Variants in FRMD3 observed in about 807,000 individuals in gnomAD.
FRMD3 encodes the protein FERM domain-containing protein 3.
Under a neutral mutation model 70.2 loss-of-function variants are expected in FRMD3, and 33 were observed. That is an observed-to-expected ratio of 0.47 (90% CI 0.36 to 0.63). The LOEUF is 0.63. Among genes scored for constraint, FRMD3 ranks in the 20% least tolerant of loss-of-function variants. The pLI is 0.00. For missense variants in FRMD3, 632 were observed against 711.4 expected (o/e 0.89, Z 1.27); for synonymous variants, 279 against 255.9 (o/e 1.09, Z -0.86).
At chr9:83,243,167 CT>C, downstream of FRMD3, 1 of 1,549,274 alleles carries the variant, frequency 6.5e-7, no homozygotes, top group Non-Finnish European at 8.7e-7. Context: ...CAAGTCTTGG[CT>C]GAGCTCACCA....
chr9:83,357,047 C>T (rs1355911594), intron 3 of FRMD3, among the ~76,000 whole-genome samples: 1 of 149,834 alleles, frequency 6.7e-6, no homozygotes, highest in Non-Finnish European at 1.5e-5. Flanking sequence ...CCTGCAAATG[C>T]CATTAATTCA....
intron 1 of FRMD3, among the ~76,000 whole-genome samples, chr9:83,460,445 T>A (rs1283468742): frequency 6.6e-6 from 1 of 152,168 alleles, no homozygotes; most frequent in Non-Finnish European, 1.5e-5. Flanking sequence ...ACACATACAT[T>A]CACTGGGTTC....
At position 83,247,199 on chromosome 9, in the gene FRMD3, A is replaced by C. The variant is rs994863358; in HGVS notation, c.*719T>G. 6 of 985,252 alleles carry C rather than the reference A, an allele frequency of 6.1e-6. No individual in the cohort carries two copies. The highest frequency in any genetic ancestry group is 1.7e-5 in the African/African-American group (1 of 57,208). 61.0% of individuals were successfully genotyped at this position (985,252 alleles called of 1,614,324 possible). A position where few individuals can be genotyped will look rare whatever the true frequency, so the allele number is the denominator to read the frequency against. Reference sequence around the variant, plus strand: ...CTCCAGTTCCATCCTCTGTTTTAGCAGCTTACTTACTATAGTGTCTTTCTA... The same window carrying C: ...CTCCAGTTCCATCCTCTGTTTTAGCCGCTTACTTACTATAGTGTCTTTCTA... On this transcript the variant is annotated 3_prime_UTR_variant, in exon 14 of 14. Coordinates refer to ENST00000304195, the MANE Select transcript of FRMD3 (RefSeq NM_174938.6).
chr9:83,491,310 A>C (rs574422479), intron 1 of FRMD3, among the ~76,000 whole-genome samples: 61 of 152,350 alleles, frequency 4.0e-4, no homozygotes, highest in African/African-American at 1.4e-3. Context: ...GCCCTGATCA[A>C]GAAAAGATCA....
At chr9:83,520,165 G>A (rs1829540166) in intron 1 of FRMD3, among the ~76,000 whole-genome samples, 1 of 152,036 alleles carries the variant, frequency 6.6e-6, no homozygotes, top group Admixed American at 6.6e-5. Flanking sequence ...ATATGAAAAT[G>A]GGGTCCAGAT....
In FRMD3 at chr9:83,247,118, A is replaced by G. The variant is rs1459087638; in HGVS notation, c.*800T>C. 1 of 985,262 alleles carries G rather than the reference A, an allele frequency of 1.0e-6. No individual in the cohort carries two copies. The highest frequency in any genetic ancestry group is 1.7e-5 in the African/African-American group (1 of 57,216). 61.0% of individuals were successfully genotyped at this position (985,262 alleles called of 1,614,324 possible). On this transcript the variant is annotated 3_prime_UTR_variant, in exon 14 of 14. Coordinates refer to ENST00000304195, the MANE Select transcript of FRMD3 (RefSeq NM_174938.6). ...TGAAAATAACAAGTCCTCTTGTCCA[A>G]ATACTTTGAAAAATGGACCACCCTG...
At chr9:83,477,294 C>T (rs960517343) in intron 1 of FRMD3, among the ~76,000 whole-genome samples, 3 of 152,150 alleles carry the variant, frequency 2.0e-5, no homozygotes, top group Non-Finnish European at 4.4e-5. Flanking sequence ...AGAAATGATT[C>T]GACTGAGTAG....
intron 13 of FRMD3, 86 bp from the exon 14 acceptor site, chr9:83,248,602 T>G: frequency 7.4e-7 from 1 of 1,360,034 alleles, no homozygotes; most frequent in Non-Finnish European, 9.8e-7. Flanking sequence ...AACAAAAAAC[T>G]AATGGGATTC....
At position 83,375,692 on chromosome 9, in the gene FRMD3, G is replaced by C. The variant is rs753776488; in HGVS notation, c.253-2737C>G. Among the ~76,000 whole-genome samples, 5 of 152,152 alleles carry C rather than the reference G, an allele frequency of 3.3e-5. No individual in the cohort carries two copies. In the South Asian group the frequency reaches 8.3e-4, roughly 25 times the overall value. ...TGAGAATACATGGGCACATAGAGGGGAACAACACACACTGGGGCCTATCAG... is the reference window on the plus strand; with the variant it reads ...TGAGAATACATGGGCACATAGAGGGCAACAACACACACTGGGGCCTATCAG... On this transcript the variant is annotated intron_variant, in intron 2 of 13. Coordinates refer to ENST00000304195, the MANE Select transcript of FRMD3 (RefSeq NM_174938.6).
chr9:83,351,362 T>C (rs1023024720), intron 3 of FRMD3, among the ~76,000 whole-genome samples: 1 of 72,864 alleles, frequency 1.4e-5, no homozygotes, highest in Non-Finnish European at 3.3e-5. Context: ...ACTAGAACTC[T>C]TTTCATTCAA....
At chr9:83,567,513 G>A in the FRMD3 span, among the ~76,000 whole-genome samples, 12 of 152,064 alleles carry the variant, frequency 7.9e-5, no homozygotes, top group South Asian at 4.1e-4. Flanking sequence ...TCTTTTCTAC[G>A]GCATCATCGG....
At chr9:83,545,147 G>T in the FRMD3 span, among the ~76,000 whole-genome samples, 1 of 151,672 alleles carries the variant, frequency 6.6e-6, no homozygotes, top group Non-Finnish European at 1.5e-5. Context: ...AACAATTCAA[G>T]GTATGAATGA....
intron 1 of FRMD3, among the ~76,000 whole-genome samples, chr9:83,412,871 T>C (rs1183471927): frequency 6.6e-6 from 1 of 152,128 alleles, no homozygotes; most frequent in East Asian, 1.9e-4. Flanking sequence ...GGCACACACC[T>C]GTAATCCCAG....
At chr9:83,287,270 TG>T (rs1242803615) in intron 13 of FRMD3, among the ~76,000 whole-genome samples, 2 of 152,180 alleles carry the variant, frequency 1.3e-5, no homozygotes, top group Non-Finnish European at 2.9e-5. Context: ...TCAAGACCAG[TG>T]GGGTCCTTCT....
intron 1 of FRMD3, among the ~76,000 whole-genome samples, chr9:83,506,157 C>T (rs1317583659): frequency 7.2e-5 from 11 of 152,138 alleles, no homozygotes; most frequent in Admixed American, 7.2e-4. Flanking sequence ...TTCCCAAAGC[C>T]TCTAAATATG....
chr9:83,499,392 C>G (rs1021305896), intron 1 of FRMD3, among the ~76,000 whole-genome samples: 4 of 152,096 alleles, frequency 2.6e-5, no homozygotes, highest in African/African-American at 9.7e-5. Flanking sequence ...CTGTCTGACT[C>G]TTGACTGAAA....
intron 2 of FRMD3, among the ~76,000 whole-genome samples, chr9:83,374,520 A>G (rs1239907779): frequency 6.6e-6 from 1 of 152,214 alleles, no homozygotes; most frequent in Admixed American, 6.5e-5. Context: ...TTATATAGCT[A>G]TAACTGAACA....
intron 3 of FRMD3, among the ~76,000 whole-genome samples, chr9:83,364,540 G>A (rs1212539465): frequency 6.7e-6 from 1 of 149,504 alleles, no homozygotes; most frequent in Non-Finnish European, 1.5e-5. Context: ...TGGTGACAGA[G>A]CAAGACCCCA....
chr9:83,554,621 T>C, the FRMD3 span, among the ~76,000 whole-genome samples: 7,552 of 152,300 alleles, frequency 0.05, 242 homozygotes, highest in Non-Finnish European at 0.069. Context: ...TGCAGCTTGA[T>C]GGAGATGTGG....
Sources: allele counts gnomAD v4.1 joint callset (sites outside exome capture counted in the v4.1 genomes callset), GRCh38; gene constraint gnomAD v4.1.1; transcripts MANE v1.5; gene names NCBI Gene and HGNC (gene_info 2026-07-23, HGNC 2026-07-21).